TSN: variants seen among roughly 807,000 people sequenced by gnomAD.
The protein encoded by TSN is translin.
Under a neutral mutation model 29.4 loss-of-function variants are expected in TSN, and 5 were observed. The ratio of observed to expected loss-of-function variants is 0.17; its 90% CI spans 0.09 to 0.36. The LOEUF (loss-of-function observed/expected upper bound fraction) is 0.36. Ranked by LOEUF, TSN falls within the 10% of genes least tolerant of loss-of-function variation. TSN has a pLI of 1.00. For missense variants in TSN, 159 were observed against 272.8 expected (o/e 0.58, Z 2.94); for synonymous variants, 106 against 102.2 (o/e 1.04, Z -0.23).
chr2:121,755,677 C>G lies in TSN; in HGVS notation c.-103C>G. 7.5e-6 allele frequency: 11 copies of G among 1,474,136 alleles called. No homozygotes were observed. In the South Asian group the frequency reaches 9.2e-5, roughly 12 times the overall value. The allele number at this position is 1,474,136 out of a possible 1,614,324, so 91.3% of individuals were successfully genotyped here. A position where few individuals can be genotyped will look rare whatever the true frequency, so the allele number is the denominator to read the frequency against. ...GTCGTGGCGTAAGACCGGGGGGACG[C>G]GGCGGTAGCGGCGGCCGTTGCGATT... is the stretch of plus-strand genomic sequence containing the variant. On this transcript the variant is annotated 5_prime_UTR_variant, in exon 1 of 6. Coordinates refer to ENST00000389682, the MANE Select transcript of TSN (RefSeq NM_004622.3).
intron 4 of TSN, among the ~76,000 whole-genome samples, chr2:121,762,375 G>A (rs1405749395): frequency 6.6e-6 from 1 of 152,110 alleles, no homozygotes; most frequent in Non-Finnish European, 1.5e-5. Context: ...TGATTTGCCC[G>A]CCTTGGCCTC....
chr2:121,758,791 C>A lies in TSN; in HGVS notation c.242C>A (p.Ala81Asp). The change falls in exon 3 of 6, where the codon GCT becomes GAT. Residue 81 changes from alanine (A) to aspartate (D), a missense_variant. Transcript: ENST00000389682. The part of the protein sequence containing the change: ...HLTSLKTKFP[A>D]EQYYRFHEHW... ...ACATCTTTGAAGACCAAATTTCCTG[C>A]TGAACAGTATTACAGGTTTGTAAGA... 1 of 1,585,774 alleles carries A rather than the reference C, an allele frequency of 6.3e-7. No homozygotes were observed. The highest frequency in any genetic ancestry group is 1.2e-5 in the South Asian group (1 of 83,774).
intron 3 of TSN, among the ~76,000 whole-genome samples, chr2:121,760,128 C>T (rs1419203532): frequency 2.6e-5 from 4 of 152,294 alleles, no homozygotes; most frequent in East Asian, 1.9e-4. Context: ...TATTTACAGC[C>T]GCTTCCCATC....
intron 5 of TSN, among the ~76,000 whole-genome samples, chr2:121,763,601 CTGAGT>C (rs1471401098): frequency 2.0e-5 from 3 of 152,170 alleles, no homozygotes; most frequent in Admixed American, 2.0e-4. Context: ...TGCATACTTA[CTGAGT>C]TAAGAATTTT....
At chr2:121,762,638 C>T (rs1226739723) in intron 4 of TSN, among the ~76,000 whole-genome samples, 1 of 152,182 alleles carries the variant, frequency 6.6e-6, no homozygotes, top group Non-Finnish European at 1.5e-5. Flanking sequence ...CACTTGTTAA[C>T]ATTTTGCTAC....
chr2:121,762,911 C>G, intron 4 of TSN, 94 bp from the exon 5 acceptor site: 1 of 1,158,798 alleles, frequency 8.6e-7, no homozygotes, highest in Non-Finnish European at 1.2e-6. Context: ...TTCATCCTTT[C>G]TTCACTTACT....
intron 2 of TSN, among the ~76,000 whole-genome samples, chr2:121,758,096 C>T (rs1394034691): frequency 6.6e-6 from 1 of 151,926 alleles, no homozygotes; most frequent in Admixed American, 6.6e-5. Flanking sequence ...GATTGAATAC[C>T]TTTTAATATG....
intron 3 of TSN, among the ~76,000 whole-genome samples, chr2:121,759,030 A>C (rs1463743968): frequency 6.6e-6 from 1 of 152,200 alleles, no homozygotes; most frequent in Non-Finnish European, 1.5e-5. Flanking sequence ...GCAGTGAAAA[A>C]GCAATTAAAA....
chr2:121,763,699 GAC>G (rs1388889533), intron 5 of TSN, among the ~76,000 whole-genome samples: 1 of 152,048 alleles, frequency 6.6e-6, no homozygotes, highest in Non-Finnish European at 1.5e-5. Flanking sequence ...AATTGTTTTG[GAC>G]ACTCATTTGT....
chr2:121,755,722 G>T lies in TSN; in HGVS notation c.-58G>T. ...GCGATTGATTGCGCTGGTTGCCTGC[G>T]GCGTCCACTTCCTTGGCCGCCCTTG... On this transcript the variant is annotated 5_prime_UTR_variant, in exon 1 of 6. Transcript: ENST00000389682. 6.2e-7 allele frequency: 1 copy of T among 1,603,896 alleles called. No individual in the cohort carries two copies. The highest frequency in any genetic ancestry group is 1.8e-4 in the Middle Eastern group (1 of 5,496).
Position 121,765,421 on chromosome 2 carries a change from G to C in TSN, c.*54G>C. The C allele has an allele frequency of 6.5e-7, 1 of 1,548,848 alleles. No homozygotes were observed. The highest frequency in any genetic ancestry group is 8.9e-7 in the Non-Finnish European group (1 of 1,122,992). On this transcript the variant is annotated 3_prime_UTR_variant, in exon 6 of 6. Coordinates refer to ENST00000389682, the MANE Select transcript of TSN (RefSeq NM_004622.3). ...ACCTCAGCGGTTGCCAGGAAGGGGT[G>C]AGCACAGAGTGCCTCTTACGGTAGT...
At chr2:121,760,750 G>T (rs2074814198) in intron 3 of TSN, among the ~76,000 whole-genome samples, 1 of 151,988 alleles carries the variant, frequency 6.6e-6, no homozygotes, top group South Asian at 2.1e-4. Flanking sequence ...AACTGCAGTT[G>T]TCTTCAATCA....
rs2074897526 is a variant in TSN at position 121,766,124 on chromosome 2, A to G, written c.*757A>G. On this transcript the variant is annotated 3_prime_UTR_variant, in exon 6 of 6. Transcript: ENST00000389682. ...CAGCAATTAAAAATTGTCTTCATGT[A>G]CATTTGGAACTAACACGTGATGTGA... 6.6e-6 allele frequency: 1 copy of G among 152,264 alleles called. No homozygotes were observed. The highest frequency in any genetic ancestry group is 2.4e-5 in the African/African-American group (1 of 41,468). The allele number at this position is 152,264 out of a possible 1,614,324, so 9.4% of individuals were successfully genotyped here. A position where few individuals can be genotyped will look rare whatever the true frequency, so the allele number is the denominator to read the frequency against.
In TSN at chr2:121,765,948, A is replaced by C. The variant is rs901298125; in HGVS notation, c.*581A>C. 2 of 152,774 alleles carry C rather than the reference A, an allele frequency of 1.3e-5. No individual in the cohort carries two copies. 9.5% of individuals were successfully genotyped at this position (152,774 alleles called of 1,614,324 possible). On this transcript the variant is annotated 3_prime_UTR_variant, in exon 6 of 6. Coordinates refer to ENST00000389682, the MANE Select transcript of TSN (RefSeq NM_004622.3). Reference sequence around the variant, plus strand: ...CACTGCCATCAAACTGTAAAAGATTAAACTGCGAAGTCAAGCTCAACAGAT... The same window carrying C: ...CACTGCCATCAAACTGTAAAAGATTCAACTGCGAAGTCAAGCTCAACAGAT...
In TSN at chr2:121,755,653, TCGTGG is replaced by T. The variant is rs2074732040; in HGVS notation, c.-123_-119del. The T allele has an allele frequency of 7.7e-7, 1 of 1,306,806 alleles. No homozygotes were observed. Among genetic ancestry groups the T allele is most frequent in the Non-Finnish European group, 1.1e-6 (1 of 931,534 alleles). 81.0% of individuals were successfully genotyped at this position (1,306,806 alleles called of 1,614,324 possible). A position where few individuals can be genotyped will look rare whatever the true frequency, so the allele number is the denominator to read the frequency against. On this transcript the variant is annotated 5_prime_UTR_variant, in exon 1 of 6. Transcript: ENST00000389682. ...GAGCCTCGGAGGACCCTAGCGACGG[TCGTGG>T]CGTAAGACCGGGGGGACGCGGCGGT...
At chr2:121,760,206 C>T (rs1407437503) in intron 3 of TSN, among the ~76,000 whole-genome samples, 3 of 152,218 alleles carry the variant, frequency 2.0e-5, no homozygotes, top group African/African-American at 4.8e-5. Context: ...CATAGTAGTG[C>T]GAACCCTATT....
intron 1 of TSN, among the ~76,000 whole-genome samples, chr2:121,757,029 T>G (rs548366423): frequency 7.9e-5 from 12 of 152,300 alleles, no homozygotes; most frequent in African/African-American, 1.9e-4. Context: ...ATTGAATACT[T>G]GGGTTTAATG....
intron 1 of TSN, chr2:121,756,226 G>A (rs2106450962): frequency 3.7e-6 from 1 of 269,420 alleles, no homozygotes; most frequent in Non-Finnish European, 7.4e-6. Context: ...TGCCACACAG[G>A]ATAAAAAATC....
intron 4 of TSN, 89 bp from the exon 5 acceptor site, chr2:121,762,916 C>A: frequency 1.6e-6 from 2 of 1,222,788 alleles, no homozygotes; most frequent in Non-Finnish European, 2.2e-6. Context: ...CCTTTCTTCA[C>A]TTACTTTGGG....
Sources: allele counts gnomAD v4.1 joint callset (sites outside exome capture counted in the v4.1 genomes callset), GRCh38; gene constraint gnomAD v4.1.1; transcripts MANE v1.5; gene names NCBI Gene and HGNC (gene_info 2026-07-23, HGNC 2026-07-21).